SMG6: variants seen among roughly 807,000 people sequenced by gnomAD.
SMG6 encodes the protein telomerase-binding protein EST1A.
A neutral mutation model predicts 142.2 loss-of-function variants in SMG6; 66 were observed. The ratio of observed to expected loss-of-function variants is 0.46; its 90% CI spans 0.38 to 0.57. The LOEUF (loss-of-function observed/expected upper bound fraction) is 0.57. Among genes scored for constraint, SMG6 ranks in the 20% least tolerant of loss-of-function variants. The probability of loss-of-function intolerance (pLI) is 0.00; values close to 1 mark genes in which losing one functional copy is unlikely to be tolerated. For synonymous variants in SMG6, 779 were observed against 702.4 expected (o/e 1.11, Z -1.72); for missense variants, 1,793 against 1,832.0 (o/e 0.98, Z 0.39).
In SMG6 at chr17:2,061,387, G is replaced by A. The variant is rs1311711870; in HGVS notation, c.*105C>T. ...GTTGGAAGAGGATGGTTTATTGTCT[G>A]GGTGGATTGGTGGCTCAGGCACGTG... On this transcript the variant is annotated 3_prime_UTR_variant, in exon 19 of 19. Coordinates refer to ENST00000263073, the MANE Select transcript of SMG6 (RefSeq NM_017575.5). The A allele has an allele frequency of 1.8e-6, 2 of 1,135,458 alleles. No homozygotes were observed. The highest frequency in any genetic ancestry group is 1.2e-6 in the Non-Finnish European group (1 of 803,800). 70.3% of individuals were successfully genotyped at this position (1,135,458 alleles called of 1,614,324 possible).
intron 13 of SMG6, among the ~76,000 whole-genome samples, chr17:2,118,790 T>C (rs2069588408): frequency 1.3e-5 from 2 of 152,102 alleles, no homozygotes; most frequent in Admixed American, 1.3e-4. Context: ...GGTCTCACTA[T>C]GTTGTCCAAG....
At chr17:2,197,990 A>T (rs2072384727) in intron 10 of SMG6, among the ~76,000 whole-genome samples, 1 of 152,234 alleles carries the variant, frequency 6.6e-6, no homozygotes, top group South Asian at 2.1e-4. Context: ...CTTTATCCTG[A>T]AGAAATGAAA....
chr17:2,280,890 C>A (rs1199454576), intron 8 of SMG6, among the ~76,000 whole-genome samples: 1 of 152,056 alleles, frequency 6.6e-6, no homozygotes, highest in Non-Finnish European at 1.5e-5. Context: ...GACCAGCCTG[C>A]GCAACAGGGC....
chr17:2,070,341 CCT>C (rs2068066745), intron 15 of SMG6, among the ~76,000 whole-genome samples: 1 of 152,208 alleles, frequency 6.6e-6, no homozygotes, highest in Admixed American at 6.5e-5. Context: ...CAGCATGCTC[CCT>C]GAGTAGGGAG....
chr17:2,185,100 C>T (rs1202731910), intron 12 of SMG6, among the ~76,000 whole-genome samples: 2 of 151,218 alleles, frequency 1.3e-5, no homozygotes, highest in Non-Finnish European at 2.9e-5. Context: ...GATATACAGA[C>T]ACAAACAGGT....
intron 13 of SMG6, among the ~76,000 whole-genome samples, chr17:2,095,636 G>GC (rs780865297): frequency 6.6e-6 from 1 of 152,072 alleles, no homozygotes; most frequent in Non-Finnish European, 1.5e-5. Flanking sequence ...GAGAGCACGC[G>GC]CCCCTCCCCG....
chr17:2,074,784 A>G (rs1480579370), intron 15 of SMG6, among the ~76,000 whole-genome samples: 2 of 152,212 alleles, frequency 1.3e-5, no homozygotes, highest in African/African-American at 2.4e-5. Flanking sequence ...AGATAATCGG[A>G]TTGAATTTTA....
intron 10 of SMG6, among the ~76,000 whole-genome samples, chr17:2,221,467 T>G (rs1005039018): frequency 6.6e-6 from 1 of 152,232 alleles, no homozygotes; most frequent in Non-Finnish European, 1.5e-5. Flanking sequence ...CCTGTGGAAC[T>G]ATGAGCCAAT....
chr17:2,141,466 C>T (rs1414689414), intron 13 of SMG6, among the ~76,000 whole-genome samples: 1 of 152,128 alleles, frequency 6.6e-6, no homozygotes, highest in Non-Finnish European at 1.5e-5. Flanking sequence ...CTTAGAGATG[C>T]GGTCTTGCTC....
Position 2,298,973 on chromosome 17 carries a change from G to C in SMG6, c.1780C>G (p.Gln594Glu). 6.2e-7 allele frequency: 1 copy of C among 1,614,168 alleles called. No individual in the cohort carries two copies. The highest frequency in any genetic ancestry group is 1.1e-5 in the South Asian group (1 of 91,082). Reference protein sequence around the residue: ...LLRVADNQELQLSNLLSRDRI... With the variant: ...LLRVADNQELELSNLLSRDRI... ...TCCCTGGAGAGCAGGTTGCTGAGCT[G>C]CAGTTCCTGGTTGTCAGCCACCCGG... Residue 594 changes from glutamine (Q) to glutamate (E), a missense_variant, in exon 2 of 19, where the codon CAG becomes GAG. By Grantham distance (29) the Gln-to-Glu change is conservative. Transcript: ENST00000263073.
intron 13 of SMG6, among the ~76,000 whole-genome samples, chr17:2,144,399 T>C (rs921321974): frequency 6.6e-6 from 1 of 152,056 alleles, no homozygotes; most frequent in African/African-American, 2.4e-5. Context: ...AGAGATGGGT[T>C]TCTCATCATG....
chr17:2,292,654 A>G (rs768995418), intron 5 of SMG6, 24 bp from the exon 6 acceptor site: 1 of 1,612,722 alleles, frequency 6.2e-7, no homozygotes, highest in Non-Finnish European at 8.5e-7. Flanking sequence ...AACAGTAAGA[A>G]AATGCTAGTT....
In SMG6 at chr17:2,065,701, A is replaced by G. The variant is rs1188242807; in HGVS notation, c.3836-22T>C. 7 of 1,593,700 alleles carry G rather than the reference A, an allele frequency of 4.4e-6. No homozygotes were observed. The African/African-American group carries it at 9.4e-5, about 21-fold the overall frequency. ...ATCACTGATGAGATAGAGCCCCACA[A>G]GGTATCAGCCTCAGCAATCAGCTTT... On this transcript the variant is annotated intron_variant, in intron 16 of 18. Transcript: ENST00000263073.
intron 16 of SMG6, among the ~76,000 whole-genome samples, chr17:2,066,974 C>T (rs1476871472): frequency 5.3e-5 from 8 of 152,150 alleles, no homozygotes; most frequent in East Asian, 1.9e-4. Flanking sequence ...GGAAAGCTGG[C>T]GGCTTAACCC....
chr17:2,108,038 C>T (rs1193637146), intron 13 of SMG6, among the ~76,000 whole-genome samples: 1 of 152,196 alleles, frequency 6.6e-6, no homozygotes, highest in Non-Finnish European at 1.5e-5. Context: ...ATTTCTGAGC[C>T]TTAGCCTACA....
intron 1 of SMG6, 141 bp downstream of exon 1, chr17:2,303,492 G>A: frequency 2.3e-6 from 3 of 1,329,074 alleles, no homozygotes; most frequent in Middle Eastern, 2.8e-4. Flanking sequence ...GGCAGCGAGG[G>A]TCCGCCGCGG....
chr17:2,229,664 C>T (rs1215650534), intron 10 of SMG6, among the ~76,000 whole-genome samples: 1 of 152,170 alleles, frequency 6.6e-6, no homozygotes, highest in Non-Finnish European at 1.5e-5. Flanking sequence ...GGAGTCATTG[C>T]TGTGGTTGTC....
At chr17:2,232,556 G>A (rs1567703621) in intron 10 of SMG6, 2 of 152,150 alleles carry the variant, frequency 1.3e-5, no homozygotes, top group Non-Finnish European at 1.5e-5. Context: ...TACATACCAG[G>A]CCCTATGCCA....
At chr17:2,198,004 T>TA (rs535030536) in intron 10 of SMG6, among the ~76,000 whole-genome samples, 59 of 152,338 alleles carry the variant, frequency 3.9e-4, no homozygotes, top group African/African-American at 1.4e-3. Context: ...AATGAAAACT[T>TA]ACGTTTAGAA....
Sources: gnomAD v4.1 joint callset for allele counts (sites outside exome capture counted in the v4.1 genomes callset) on GRCh38, gnomAD v4.1.1 for gene constraint, MANE v1.5 for transcripts, NCBI Gene and HGNC (gene_info 2026-07-23, HGNC 2026-07-21) for gene names.